AGBL4: variants seen among roughly 807,000 people sequenced by gnomAD.
AGBL4 encodes cytosolic carboxypeptidase 6.
A neutral mutation model predicts 66.4 loss-of-function variants in AGBL4; 58 were observed. The ratio of observed to expected loss-of-function variants is 0.87; its 90% CI spans 0.71 to 1.09. AGBL4 has a LOEUF of 1.09. Among genes scored for constraint, AGBL4 ranks in the 50% least tolerant of loss-of-function variants. AGBL4 has a pLI of 0.00. For synonymous variants in AGBL4, 234 were observed against 222.9 expected (o/e 1.05, Z -0.44); for missense variants, 579 against 631.0 (o/e 0.92, Z 0.88).
intron 4 of AGBL4, chr1:49,187,466 A>G (rs930341061): frequency 1.3e-5 from 2 of 152,170 alleles, no homozygotes; most frequent in African/African-American, 4.8e-5. Context: ...GAGACACACA[A>G]CCATCTATTG....
At chr1:48,915,935 C>T (rs1443322082) in intron 5 of AGBL4, among the ~76,000 whole-genome samples, 1 of 151,846 alleles carries the variant, frequency 6.6e-6, no homozygotes, top group Non-Finnish European at 1.5e-5. Flanking sequence ...AAGAACAAAG[C>T]AAGGAGATAC....
At chr1:48,834,955 C>T (rs969104701) in intron 6 of AGBL4, among the ~76,000 whole-genome samples, 72 of 152,058 alleles carry the variant, frequency 4.7e-4, no homozygotes, top group African/African-American at 1.7e-3. Flanking sequence ...CTTTACCAGC[C>T]TTGTGATTTG....
At chr1:50,010,163 C>T (rs559627944) in intron 1 of AGBL4, among the ~76,000 whole-genome samples, 36 of 151,892 alleles carry the variant, frequency 2.4e-4, no homozygotes, top group African/African-American at 7.5e-4. Context: ...AAAAATTAGC[C>T]GGATGTGGTG....
At chr1:49,993,492 G>GTTGTGTCTCTTCCTACCCAGAATAC (rs1660119444) in intron 1 of AGBL4, among the ~76,000 whole-genome samples, 2 of 152,268 alleles carry the variant, frequency 1.3e-5, no homozygotes, top group South Asian at 4.1e-4. Context: ...CCTCTGTGCA[G>GTTGTGTCTCTTCCTACCCAGAATAC]TTGTGTCTCT....
intron 1 of AGBL4, among the ~76,000 whole-genome samples, chr1:49,870,171 C>T (rs1480684109): frequency 6.6e-6 from 1 of 152,008 alleles, no homozygotes; most frequent in East Asian, 1.9e-4. Context: ...TAGGAAATCA[C>T]ACAATTTTAA....
At chr1:49,730,859 A>G (rs1649390228) in intron 2 of AGBL4, among the ~76,000 whole-genome samples, 1 of 152,234 alleles carries the variant, frequency 6.6e-6, no homozygotes, top group Admixed American at 6.5e-5. Context: ...TCCTGTGTCA[A>G]TACGTGATAG....
At chr1:49,720,230 A>C (rs1648494892) in intron 2 of AGBL4, among the ~76,000 whole-genome samples, 1 of 152,158 alleles carries the variant, frequency 6.6e-6, no homozygotes, top group African/African-American at 2.4e-5. Context: ...AACTCTTCTG[A>C]GAACCAACAT....
chr1:49,178,733 T>C (rs1160781301), intron 4 of AGBL4, among the ~76,000 whole-genome samples: 1 of 152,188 alleles, frequency 6.6e-6, no homozygotes, highest in Non-Finnish European at 1.5e-5. Flanking sequence ...GGACAGTTAC[T>C]GGGGTTGAGT....
intron 4 of AGBL4, among the ~76,000 whole-genome samples, chr1:49,152,416 C>T (rs534937531): frequency 1.8e-4 from 27 of 152,258 alleles, no homozygotes; most frequent in African/African-American, 5.5e-4. Context: ...GAAATGATCC[C>T]TATTCTAAAA....
intron 1 of AGBL4, among the ~76,000 whole-genome samples, chr1:49,883,736 T>G (rs1432004666): frequency 6.6e-6 from 1 of 152,006 alleles, no homozygotes; most frequent in Admixed American, 6.6e-5. Flanking sequence ...TATTTACATT[T>G]ACAGTGTATT....
chr1:49,065,482 C>G (rs958914264), intron 4 of AGBL4, among the ~76,000 whole-genome samples: 2 of 152,162 alleles, frequency 1.3e-5, no homozygotes, highest in Non-Finnish European at 2.9e-5. Context: ...AGCACTGCAG[C>G]TGAAGCATAG....
At chr1:49,376,655 T>C (rs958910355) in intron 3 of AGBL4, among the ~76,000 whole-genome samples, 3 of 152,092 alleles carry the variant, frequency 2.0e-5, no homozygotes, top group East Asian at 1.9e-4. Context: ...TTTGGTATGA[T>C]ATATGTCTTC....
chr1:49,286,678 G>T (rs1008032867), intron 3 of AGBL4, among the ~76,000 whole-genome samples: 4 of 151,716 alleles, frequency 2.6e-5, no homozygotes, highest in Admixed American at 2.6e-4. Context: ...CCTCTTCAAG[G>T]AGAACTACAA....
At chr1:49,722,008 C>T (rs1013260365) in intron 2 of AGBL4, among the ~76,000 whole-genome samples, 1 of 152,074 alleles carries the variant, frequency 6.6e-6, no homozygotes, top group Non-Finnish European at 1.5e-5. Context: ...ATTAGATAAG[C>T]AAAGGTTACA....
At chr1:49,378,689 G>A (rs765681811) in intron 3 of AGBL4, among the ~76,000 whole-genome samples, 1 of 152,270 alleles carries the variant, frequency 6.6e-6, no homozygotes, top group African/African-American at 2.4e-5. Flanking sequence ...TGTCACCTGC[G>A]AAAGGAGAGA....
rs376043038 is a variant in AGBL4, at chr1:49,914,622, C to G, written c.35-63104G>C. ...AGCCTACTCCTCCAAGTTCTTTGAG[C>G]CTCTATCTATTACGCAGATCCAAAG... On this transcript the variant is annotated intron_variant, in intron 1 of 13. Transcript: ENST00000371839. Among the ~76,000 whole-genome samples the G allele has an allele frequency of 1.1e-4, 17 of 152,294 alleles. No homozygotes were observed. The East Asian group carries it at 3.1e-3, about 28-fold the overall frequency.
rs143448917 is a variant in AGBL4 at position 49,589,782 on chromosome 1, T to C, written c.282+107531A>G. On this transcript the variant is annotated intron_variant, in intron 3 of 13. Transcript: ENST00000371839. ...ATTCTGATAATTATTTAAGATTAAT[T>C]GAAGCTTGTTGACAGACTCAAGAGA... is the stretch of plus-strand genomic sequence containing the variant. Among the ~76,000 whole-genome samples the C allele has an allele frequency of 4.2e-3, 645 of 152,206 alleles. 4 individuals carry two copies. The highest frequency in any genetic ancestry group is 0.014 in the Admixed American group (207 of 15,284).
At chr1:48,600,697 A>T (rs1201889511) in intron 9 of AGBL4, among the ~76,000 whole-genome samples, 1 of 152,236 alleles carries the variant, frequency 6.6e-6, no homozygotes, top group Non-Finnish European at 1.5e-5. Context: ...AGCTCTATTC[A>T]GAATAGCCCA....
At chr1:49,461,316 G>C (rs990046644) in intron 3 of AGBL4, among the ~76,000 whole-genome samples, 2 of 151,188 alleles carry the variant, frequency 1.3e-5, no homozygotes, top group Non-Finnish European at 1.5e-5. Context: ...TTTTGTCTTT[G>C]ATGGACTGGA....
Sources: gnomAD v4.1 joint callset for allele counts (sites outside exome capture counted in the v4.1 genomes callset) on GRCh38, gnomAD v4.1.1 for gene constraint, MANE v1.5 for transcripts, NCBI Gene and HGNC (gene_info 2026-07-23, HGNC 2026-07-21) for gene names.